The following SMU1 variants were observed in gnomAD, a reference collection of about 807,000 sequenced individuals.
SMU1 encodes the protein WD40 repeat-containing protein SMU1.
SMU1 carries 2 observed loss-of-function variants against 62.0 expected under a neutral mutation model. The ratio of observed to expected loss-of-function variants is 0.03; its 90% CI spans 0.01 to 0.10. The LOEUF (loss-of-function observed/expected upper bound fraction) is 0.10, where lower values mean the gene tolerates loss of function less well. Among genes scored for constraint, SMU1 ranks in the 10% least tolerant of loss-of-function variants. The probability of loss-of-function intolerance (pLI) is 1.00; values close to 1 mark genes in which losing one functional copy is unlikely to be tolerated. For synonymous variants in SMU1, 188 were observed against 212.4 expected (o/e 0.89, Z 1.00); for missense variants, 227 against 622.1 (o/e 0.36, Z 6.76).
chr9:33,071,973 A>C, intron 2 of SMU1, 81 bp from the exon 3 acceptor site: 1 of 1,343,514 alleles, frequency 7.4e-7, no homozygotes, highest in Non-Finnish European at 1.0e-6. Context: ...AAAATATCTA[A>C]CACAGATATG....
chr9:33,044,758 A>G lies in SMU1; in HGVS notation c.*2535T>C, dbSNP rs1034162912. On this transcript the variant is annotated 3_prime_UTR_variant, in exon 12 of 12. Transcript: ENST00000397149. ...ACCCAGTGCATTATTTTATTTAAAA[A>G]GAAGAAAAATATATACTTAACGGCT... 2.6e-5 allele frequency: 4 copies of G among 152,240 alleles called. No individual in the cohort carries two copies. Among genetic ancestry groups the G allele is most frequent in the Admixed American group, 2.6e-4 (4 of 15,290 alleles). 9.4% of individuals were successfully genotyped at this position (152,240 alleles called of 1,614,324 possible).
rs988442110 is a variant in SMU1 at position 33,043,346 on chromosome 9, T to G, written c.*3947A>C. 6 of 152,260 alleles carry G rather than the reference T, an allele frequency of 3.9e-5. No homozygotes were observed. Among genetic ancestry groups the G allele is most frequent in the Admixed American group, 3.3e-4 (5 of 15,282 alleles). The allele number at this position is 152,260 out of a possible 1,614,324, so 9.4% of individuals were successfully genotyped here. ...TTTGGTTATCTCAGCATGAAACTTC[T>G]GAGACTGACAGCAAGAATTAAAACA... On this transcript the variant is annotated 3_prime_UTR_variant, in exon 12 of 12. Transcript: ENST00000397149.
chr9:33,065,077 A>G (rs1176564390), intron 4 of SMU1, among the ~76,000 whole-genome samples: 1 of 152,104 alleles, frequency 6.6e-6, no homozygotes, highest in Non-Finnish European at 1.5e-5. Flanking sequence ...TGCTTTCCCT[A>G]GGTAATTACA....
At chr9:33,057,832 C>A in intron 6 of SMU1, 118 bp from the exon 7 acceptor site, 1 of 1,334,968 alleles carries the variant, frequency 7.5e-7, no homozygotes. Context: ...CCAAAGTAAA[C>A]AGAAGTGCCG....
rs1839161339 is a variant in SMU1 at position 33,044,469 on chromosome 9, GTCCGCCCTGCGCGTGC to G, written c.*2808_*2823del. 2 of 152,416 alleles carry G rather than the reference GTCCGCCCTGCGCGTGC, an allele frequency of 1.3e-5. No individual in the cohort carries two copies. The highest frequency in any genetic ancestry group is 4.8e-5 in the African/African-American group (2 of 41,464). 9.4% of individuals were successfully genotyped at this position (152,416 alleles called of 1,614,324 possible). On this transcript the variant is annotated 3_prime_UTR_variant, in exon 12 of 12. Transcript: ENST00000397149. ...GAGCAGCGGCGCCCCAGATCCGGCC[GTCCGCCCTGCGCGTGC>G]GCGGCCCGACCCCGCCGCGGTCTGG...
chr9:33,058,241 TAAAGTAG>T (rs1839322937), intron 6 of SMU1, among the ~76,000 whole-genome samples: 1 of 152,128 alleles, frequency 6.6e-6, no homozygotes, highest in Non-Finnish European at 1.5e-5. Flanking sequence ...AAGAAACATA[TAAAGTAG>T]AAAGTAAAAA....
intron 4 of SMU1, 96 bp downstream of exon 4, chr9:33,068,728 C>T: frequency 7.0e-7 from 1 of 1,422,002 alleles, no homozygotes; most frequent in South Asian, 1.3e-5. Context: ...TGGTCTCCAA[C>T]TACTAGGCTC....
intron 8 of SMU1, 79 bp downstream of exon 8, chr9:33,056,758 G>A (rs937969797): frequency 9.6e-6 from 14 of 1,461,604 alleles, no homozygotes; most frequent in African/African-American, 8.5e-5. Flanking sequence ...TGGTAAAAGC[G>A]TAAGGAATCA....
chr9:33,058,431 A>G (rs1839326339), intron 6 of SMU1, among the ~76,000 whole-genome samples: 1 of 152,136 alleles, frequency 6.6e-6, no homozygotes, highest in African/African-American at 2.4e-5. Flanking sequence ...ATACTCCTGC[A>G]TCAGGTTCCT....
intron 9 of SMU1, 56 bp from the exon 10 acceptor site, chr9:33,053,346 T>C (rs41298163): frequency 3.3e-6 from 5 of 1,505,596 alleles, no homozygotes; most frequent in Non-Finnish European, 3.6e-6. Context: ...ATTTCTAAAG[T>C]TTTAGGGTTT....
In SMU1 at chr9:33,043,588, C is replaced by G. The variant is rs1241513990; in HGVS notation, c.*3705G>C. The G allele has an allele frequency of 2.0e-5, 3 of 152,258 alleles. No homozygotes were observed. The highest frequency in any genetic ancestry group is 1.9e-4 in the East Asian group (1 of 5,200). 9.4% of individuals were successfully genotyped at this position (152,258 alleles called of 1,614,324 possible). A position where few individuals can be genotyped will look rare whatever the true frequency, so the allele number is the denominator to read the frequency against. ...GAATCCTCTAATTCAGTTCTCTCTA[C>G]TCATCTCACTACCTGTGCTCTGCTT... On this transcript the variant is annotated 3_prime_UTR_variant, in exon 12 of 12. Coordinates refer to ENST00000397149, the MANE Select transcript of SMU1 (RefSeq NM_018225.3).
chr9:33,053,014 C>G (rs1839266333), intron 10 of SMU1, 109 bp downstream of exon 10: 16 of 899,560 alleles, frequency 1.8e-5, no homozygotes, highest in Non-Finnish European at 2.8e-5. Context: ...AAACGGTTTA[C>G]AGAGAAATGA....
intron 3 of SMU1, among the ~76,000 whole-genome samples, chr9:33,070,047 C>A (rs1839469684): frequency 6.6e-6 from 1 of 152,068 alleles, no homozygotes. Context: ...ATTACTTGGA[C>A]CCAGGAAGCG....
In SMU1 at chr9:33,076,372, T is replaced by C. The variant is rs556576316; in HGVS notation, c.26+211A>G. ...GTGTGTTTTCCCCACCCGTGCCACC[T>C]CCCTCGAGGTTTTGGGCTTCACGTC... On this transcript the variant is annotated intron_variant, in intron 1 of 11. Coordinates refer to ENST00000397149, the MANE Select transcript of SMU1 (RefSeq NM_018225.3). 4.9e-4 allele frequency among the ~76,000 whole-genome samples: 75 copies of C among 152,246 alleles called. 2 individuals are homozygous for C. The South Asian group carries it at 0.015, about 31-fold the overall frequency.
intron 4 of SMU1, among the ~76,000 whole-genome samples, chr9:33,066,800 G>C (rs1391170947): frequency 1.4e-5 from 2 of 139,256 alleles, no homozygotes; most frequent in South Asian, 2.2e-4. Flanking sequence ...GTGAGACTCT[G>C]TCTCAAAAAA....
intron 10 of SMU1, among the ~76,000 whole-genome samples, chr9:33,051,526 C>A (rs773347161): frequency 5.3e-5 from 8 of 152,056 alleles, no homozygotes; most frequent in African/African-American, 1.9e-4. Flanking sequence ...CACTCTGGCA[C>A]GAGATACTGA....
rs556080982 is a variant in SMU1, at chr9:33,046,757, G to A, written c.*536C>T. ...AATACAAAAAAATTAGCCAGGCATGGTGTCGCACACCTGTAGTCCCCAGCT... is the reference window on the plus strand; with the variant it reads ...AATACAAAAAAATTAGCCAGGCATGATGTCGCACACCTGTAGTCCCCAGCT... On this transcript the variant is annotated 3_prime_UTR_variant, in exon 12 of 12. Transcript: ENST00000397149. 3.3e-5 allele frequency: 5 copies of A among 152,494 alleles called. No individual in the cohort carries two copies. The highest frequency in any genetic ancestry group is 1.2e-4 in the African/African-American group (5 of 41,506). The allele number at this position is 152,494 out of a possible 1,614,324, so 9.4% of individuals were successfully genotyped here.
chr9:33,053,107 C>T lies in SMU1; in HGVS notation c.1290+16G>A, dbSNP rs753599329. ...GGCCCACAGTTCCTGTGCAAGGGTA[C>T]GTTCTGAACACTCACCTGCCCCTGC... On this transcript the variant is annotated intron_variant, in intron 10 of 11. Coordinates refer to ENST00000397149, the MANE Select transcript of SMU1 (RefSeq NM_018225.3). 2.7e-5 allele frequency: 44 copies of T among 1,610,500 alleles called. No individual in the cohort carries two copies. Among genetic ancestry groups the T allele is most frequent in the Non-Finnish European group, 3.6e-5 (43 of 1,178,692 alleles).
chr9:33,068,366 G>A (rs980305398), intron 4 of SMU1, among the ~76,000 whole-genome samples: 1 of 152,160 alleles, frequency 6.6e-6, no homozygotes, highest in South Asian at 2.1e-4. Context: ...CCTCTCCCAG[G>A]AAAGAGGGAG....
Sources: gnomAD v4.1 joint callset for allele counts (sites outside exome capture counted in the v4.1 genomes callset) on GRCh38, gnomAD v4.1.1 for gene constraint, MANE v1.5 for transcripts, NCBI Gene and HGNC (gene_info 2026-07-23, HGNC 2026-07-21) for gene names.